Variants in SPAG16 observed in about 807,000 individuals in gnomAD.
The protein encoded by SPAG16 is sperm-associated antigen 16 protein.
A neutral mutation model predicts 80.4 loss-of-function variants in SPAG16; 86 were observed. That is an observed-to-expected ratio of 1.07 (90% CI 0.90 to 1.28). The LOEUF (loss-of-function observed/expected upper bound fraction) is 1.28, where lower values mean the gene tolerates loss of function less well. Among genes scored for constraint, SPAG16 ranks in the 50% most tolerant of loss-of-function variants. The probability of loss-of-function intolerance (pLI) is 0.00; values close to 1 mark genes in which losing one functional copy is unlikely to be tolerated. For missense variants in SPAG16, 870 were observed against 765.3 expected, an observed-to-expected ratio of 1.14 and a Z score of -1.61; for synonymous variants, 294 against 265.9, an observed-to-expected ratio of 1.11 and a Z score of -1.03.
At chr2:214,376,228 T>C (rs1223171426) in intron 15 of SPAG16, among the ~76,000 whole-genome samples, 1 of 152,154 alleles carries the variant, frequency 6.6e-6, no homozygotes, top group Admixed American at 6.6e-5. Context: ...ATTAAATGTA[T>C]TTAACTTATT....
Position 213,340,263 on chromosome 2 carries a change from C to T in SPAG16, c.637C>T (p.Leu213Phe). Residue 213 changes from leucine to phenylalanine, a missense_variant, in exon 6 of 16, where the codon CTC becomes TTC. Physicochemically the swap from Leu to Phe is conservative, Grantham distance 22 (BLOSUM62 0). Transcript: ENST00000331683. ...GGAAAAAAACAAATTAATTAATGAC[C>T]TCAAAGGGTAAGCTTATACTTGTTG... is the stretch of plus-strand genomic sequence containing the variant. ...VQEKNKLIND[L>F]KGLKLHYASY... The T allele has an allele frequency of 6.3e-7, 1 of 1,588,708 alleles. No homozygotes were observed. The highest frequency in any genetic ancestry group is 1.7e-5 in the Admixed American group (1 of 59,070).
chr2:214,200,751 G>A (rs746243096), intron 15 of SPAG16, among the ~76,000 whole-genome samples: 4 of 151,946 alleles, frequency 2.6e-5, no homozygotes, highest in Non-Finnish European at 4.4e-5. Flanking sequence ...TTATAAATTC[G>A]AGGTTTTTGA....
At chr2:213,706,267 CTCTATCCTCATT>C (rs2065749241) in intron 10 of SPAG16, among the ~76,000 whole-genome samples, 1 of 152,146 alleles carries the variant, frequency 6.6e-6, no homozygotes, top group Non-Finnish European at 1.5e-5. Flanking sequence ...AAGTGCTGGA[CTCTATCCTCATT>C]TGGCAAAGCT....
intron 15 of SPAG16, among the ~76,000 whole-genome samples, chr2:214,375,501 T>C (rs1700071619): frequency 6.6e-6 from 1 of 152,084 alleles, no homozygotes; most frequent in Non-Finnish European, 1.5e-5. Context: ...AGTATGAGAG[T>C]GCACGCTAGA....
At chr2:214,013,298 C>A (rs1392832313) in intron 12 of SPAG16, among the ~76,000 whole-genome samples, 1 of 151,422 alleles carries the variant, frequency 6.6e-6, no homozygotes, top group African/African-American at 2.4e-5. Flanking sequence ...AGGGTAGTGA[C>A]TGTATCCATC....
chr2:213,592,286 C>T (rs2124927476), intron 10 of SPAG16, among the ~76,000 whole-genome samples: 3 of 152,198 alleles, frequency 2.0e-5, no homozygotes, highest in Middle Eastern at 6.8e-3. Flanking sequence ...CTGCTTTACT[C>T]GTGTAAAATA....
intron 10 of SPAG16, among the ~76,000 whole-genome samples, chr2:213,787,068 C>T (rs373564159): frequency 2.0e-4 from 30 of 151,920 alleles, no homozygotes; most frequent in Non-Finnish European, 2.9e-4. Flanking sequence ...ATATCCAAGT[C>T]GAGTACTAGT....
At chr2:213,981,290 G>A (rs1009265395) in intron 12 of SPAG16, among the ~76,000 whole-genome samples, 3 of 152,040 alleles carry the variant, frequency 2.0e-5, no homozygotes, top group Non-Finnish European at 4.4e-5. Context: ...TGAGTTTGTG[G>A]GGGAATCAAT....
chr2:213,871,838 TCACACACACACA>T (rs1045988177), intron 11 of SPAG16, among the ~76,000 whole-genome samples: 1 of 101,878 alleles, frequency 9.8e-6, no homozygotes, highest in African/African-American at 3.4e-5. Flanking sequence ...CTCAGGAAAT[TCACACACACACA>T]CACACACACA....
At chr2:213,807,636 T>A (rs1194459318) in intron 10 of SPAG16, among the ~76,000 whole-genome samples, 5 of 152,174 alleles carry the variant, frequency 3.3e-5, no homozygotes, top group African/African-American at 1.2e-4. Flanking sequence ...TGGGAAAAAG[T>A]AATTGTACAG....
chr2:213,307,207 A>G (rs2062975594), intron 3 of SPAG16, among the ~76,000 whole-genome samples: 1 of 150,866 alleles, frequency 6.6e-6, no homozygotes. Context: ...TATTTTTTTT[A>G]CTTTATTATT....
chr2:213,721,256 G>A (rs748637738), intron 10 of SPAG16, among the ~76,000 whole-genome samples: 2 of 151,810 alleles, frequency 1.3e-5, no homozygotes, highest in African/African-American at 2.4e-5. Flanking sequence ...CTGCCAACCC[G>A]CCCAGCTCAT....
At chr2:213,810,675 G>C (rs1480406465) in intron 10 of SPAG16, among the ~76,000 whole-genome samples, 1 of 152,156 alleles carries the variant, frequency 6.6e-6, no homozygotes, top group Non-Finnish European at 1.5e-5. Context: ...GCAGCAAAGT[G>C]TATCAAAAGA....
chr2:214,108,480 C>CACACA (rs56781283), intron 14 of SPAG16, among the ~76,000 whole-genome samples: 1,763 of 52,500 alleles, frequency 0.034, 36 homozygotes, highest in African/African-American at 0.047. Context: ...CACACACACA[C>CACACA]CCCCACACAC....
intron 9 of SPAG16, among the ~76,000 whole-genome samples, chr2:213,453,671 G>A (rs1361008907): frequency 1.3e-5 from 2 of 152,284 alleles, no homozygotes; most frequent in East Asian, 1.9e-4. Flanking sequence ...ATGAAGCCCA[G>A]TTTCTGTACT....
intron 10 of SPAG16, among the ~76,000 whole-genome samples, chr2:213,731,468 T>C (rs1458347041): frequency 2.6e-5 from 4 of 152,040 alleles, no homozygotes; most frequent in Non-Finnish European, 2.9e-5. Flanking sequence ...CTGTTTTTTT[T>C]TTTTTTTTTC....
intron 10 of SPAG16, among the ~76,000 whole-genome samples, chr2:213,739,680 C>A (rs924116464): frequency 6.6e-6 from 1 of 152,198 alleles, no homozygotes; most frequent in African/African-American, 2.4e-5. Flanking sequence ...CGGCTCACTG[C>A]AACCTCTCCC....
chr2:214,048,114 G>A (rs1002605500), intron 13 of SPAG16, among the ~76,000 whole-genome samples: 3 of 152,106 alleles, frequency 2.0e-5, no homozygotes, highest in Non-Finnish European at 2.9e-5. Flanking sequence ...TAATACAACC[G>A]CTATAGAGAA....
chr2:213,752,616 C>G (rs2068126783), intron 10 of SPAG16, among the ~76,000 whole-genome samples: 1 of 152,316 alleles, frequency 6.6e-6, no homozygotes, highest in Non-Finnish European at 1.5e-5. Flanking sequence ...GTTTCACTTT[C>G]TTTTACTGAC....
Sources: allele counts gnomAD v4.1 joint callset (sites outside exome capture counted in the v4.1 genomes callset), GRCh38; gene constraint gnomAD v4.1.1; transcripts MANE v1.5; gene names NCBI Gene and HGNC (gene_info 2026-07-23, HGNC 2026-07-21).